Variants in IAH1 observed in about 807,000 individuals in gnomAD.
IAH1 encodes the protein isoamyl acetate hydrolyzing esterase 1 (putative).
Under a neutral mutation model 26.7 loss-of-function variants are expected in IAH1, and 24 were observed. The ratio of observed to expected loss-of-function variants is 0.90; its 90% CI spans 0.65 to 1.26. The LOEUF is 1.26. Among genes scored for constraint, IAH1 ranks in the 50% most tolerant of loss-of-function variants. IAH1 has a pLI of 0.00. For synonymous variants in IAH1, 140 were observed against 118.5 expected, an observed-to-expected ratio of 1.18 and a Z score of -1.18; for missense variants, 300 against 299.9, an observed-to-expected ratio of 1.00 and a Z score of 0.00.
chr2:9,478,188 C>A (rs963141957), intron 2 of IAH1, 34 bp from the exon 3 acceptor site: 1 of 1,578,040 alleles, frequency 6.3e-7, no homozygotes, highest in Non-Finnish European at 8.6e-7. Flanking sequence ...CACTTCTTGC[C>A]CACAATTCAT....
intron 2 of IAH1, among the ~76,000 whole-genome samples, chr2:9,476,610 T>C (rs909291327): frequency 6.6e-6 from 1 of 152,170 alleles, no homozygotes; most frequent in Admixed American, 6.5e-5. Flanking sequence ...GGCAGTACTA[T>C]AGGATTTGGG....
At chr2:9,510,739 A>G in the IAH1 span, among the ~76,000 whole-genome samples, 4 of 151,212 alleles carry the variant, frequency 2.6e-5, no homozygotes, top group African/African-American at 7.3e-5. Flanking sequence ...GGCTGAGGTG[A>G]GAGTATCACC....
chr2:9,488,392 G>A lies in IAH1; in HGVS notation c.*63G>A. The A allele has an allele frequency of 7.5e-7, 1 of 1,324,800 alleles. No individual in the cohort carries two copies. Among genetic ancestry groups the A allele is most frequent in the Non-Finnish European group, 1.0e-6 (1 of 972,382 alleles). The allele number at this position is 1,324,800 out of a possible 1,614,324, so 82.1% of individuals were successfully genotyped here. On this transcript the variant is annotated 3_prime_UTR_variant, in exon 6 of 6. Coordinates refer to ENST00000497473, the MANE Select transcript of IAH1 (RefSeq NM_001039613.3). ...GAACTCAAAGTTGTCAATACGTAGA[G>A]GTACGCTTTTTTCCTCAGGCTTAAA...
At chr2:9,484,319 TG>T in intron 4 of IAH1, 112 bp from the exon 5 acceptor site, 2 of 835,038 alleles carry the variant, frequency 2.4e-6, no homozygotes, top group Non-Finnish European at 4.0e-6. Context: ...CTGGCCCAAG[TG>T]GGGTCAATAT....
chr2:9,484,477 A>T lies in IAH1; in HGVS notation c.491A>T (p.Asn164Ile). ...AACTCTGTTGTTGGTGAATATGCCA[A>T]TGCGTGTTTACAAGTGGCCCAAGAC... ...RLNSVVGEYA[N>I]ACLQVAQDCG... The change falls in exon 5 of 6, where the codon AAT (asparagine) becomes ATT (isoleucine). Residue 164 changes from asparagine to isoleucine, a missense_variant. Coordinates refer to ENST00000497473, the MANE Select transcript of IAH1 (RefSeq NM_001039613.3). 1 of 1,614,216 alleles carries T rather than the reference A, an allele frequency of 6.2e-7. No homozygotes were observed. The highest frequency in any genetic ancestry group is 8.5e-7 in the Non-Finnish European group (1 of 1,180,036).
At chr2:9,490,152 T>G, downstream of IAH1, 2 of 1,560,930 alleles carry the variant, frequency 1.3e-6, no homozygotes, top group Non-Finnish European at 1.7e-6. Flanking sequence ...TTTGCACACT[T>G]AAGTCAGAAG....
intron 4 of IAH1, among the ~76,000 whole-genome samples, chr2:9,483,747 G>A (rs1236364093): frequency 6.6e-6 from 1 of 152,156 alleles, no homozygotes; most frequent in Non-Finnish European, 1.5e-5. Context: ...CTCCCTGGGA[G>A]GATGAGGCAG....
At chr2:9,507,187 A>T in the IAH1 span, among the ~76,000 whole-genome samples, 5 of 152,072 alleles carry the variant, frequency 3.3e-5, no homozygotes, top group Non-Finnish European at 7.4e-5. Context: ...TATTTTTATT[A>T]AGGAATTCAT....
At chr2:9,509,990 C>A in the IAH1 span, 1 of 1,613,998 alleles carries the variant, frequency 6.2e-7, no homozygotes, top group South Asian at 1.1e-5. Flanking sequence ...TTATTGTTCT[C>A]GTGATCGCCA....
downstream of IAH1, among the ~76,000 whole-genome samples, chr2:9,497,450 T>C (rs2124977530): frequency 1.3e-5 from 2 of 152,358 alleles, no homozygotes; most frequent in East Asian, 3.9e-4. Context: ...CAGGCTAGGC[T>C]GCATGAGTCC....
chr2:9,475,567 C>T, intron 1 of IAH1: 1 of 223,434 alleles, frequency 4.5e-6, no homozygotes, highest in Non-Finnish European at 9.2e-6. Flanking sequence ...GTAGCGCGAT[C>T]TCGGCTCACT....
downstream of IAH1, chr2:9,494,586 TAAA>T: frequency 6.2e-7 from 1 of 1,600,580 alleles, no homozygotes; most frequent in Non-Finnish European, 8.5e-7. Context: ...ACTTACAAAA[TAAA>T]AACTTCCTAT....
chr2:9,483,697 A>G (rs1305715553), intron 4 of IAH1, among the ~76,000 whole-genome samples: 1 of 151,956 alleles, frequency 6.6e-6, no homozygotes, highest in Non-Finnish European at 1.5e-5. Flanking sequence ...CCAACCTAGC[A>G]CAATCCCCAG....
chr2:9,484,015 C>T (rs529572961), intron 4 of IAH1, among the ~76,000 whole-genome samples: 8 of 152,322 alleles, frequency 5.3e-5, no homozygotes, highest in Non-Finnish European at 1.0e-4. Context: ...AAGAAGCCAG[C>T]GGTGTCAGCG....
chr2:9,505,591 C>T, the IAH1 span: 2 of 547,830 alleles, frequency 3.7e-6, no homozygotes, highest in South Asian at 4.2e-5. Context: ...GGTTAAGGAT[C>T]TATAATTCTT....
At chr2:9,502,917 G>T in the IAH1 span, among the ~76,000 whole-genome samples, 14 of 146,808 alleles carry the variant, frequency 9.5e-5, no homozygotes, top group Admixed American at 5.5e-4. Context: ...GAGGCAGGTG[G>T]ACCACGAGGT....
downstream of IAH1, chr2:9,497,212 T>C (rs750249923): frequency 1.5e-5 from 24 of 1,614,236 alleles, no homozygotes; most frequent in South Asian, 2.6e-4. Context: ...AGTGTCATCT[T>C]CAGCATTTCC....
chr2:9,497,351 G>A (rs1662692980), downstream of IAH1: 2 of 1,466,592 alleles, frequency 1.4e-6, no homozygotes, highest in South Asian at 1.3e-5. Context: ...ATCTTACCTT[G>A]CAAAAGCAAA....
Position 9,488,781 on chromosome 2 carries a change from T to C in IAH1, c.*452T>C, listed in dbSNP as rs1298579100. The C allele has an allele frequency of 6.6e-6, 1 of 152,326 alleles. No individual in the cohort carries two copies. Among genetic ancestry groups the C allele is most frequent in the African/African-American group, 2.4e-5 (1 of 41,432 alleles). The allele number at this position is 152,326 out of a possible 1,614,324, so 9.4% of individuals were successfully genotyped here. A position where few individuals can be genotyped will look rare whatever the true frequency, so the allele number is the denominator to read the frequency against. On this transcript the variant is annotated 3_prime_UTR_variant, in exon 6 of 6. Coordinates refer to ENST00000497473, the MANE Select transcript of IAH1 (RefSeq NM_001039613.3). ...AGTTCAAGTATTAGTATAACAAGTA[T>C]CTGAGTAACAAATGTCCTTGGAAAT...
Sources: allele counts gnomAD v4.1 joint callset (sites outside exome capture counted in the v4.1 genomes callset), GRCh38; gene constraint gnomAD v4.1.1; transcripts MANE v1.5; gene names NCBI Gene and HGNC (gene_info 2026-07-23, HGNC 2026-07-21).